The following PXDC1 variants were observed in gnomAD, a reference collection of about 807,000 sequenced individuals.
PXDC1 encodes PX domain-containing protein 1.
In PXDC1, 13 loss-of-function variants were observed where a neutral mutation model predicts 24.4. The observed-to-expected ratio is 0.53, with a 90% CI of 0.35 to 0.85. PXDC1 has a LOEUF of 0.85. Ranked by LOEUF, PXDC1 falls within the 40% of genes least tolerant of loss-of-function variation. The pLI is 0.01. For synonymous variants in PXDC1, 162 were observed against 124.9 expected (o/e 1.30, Z -1.98); for missense variants, 344 against 309.3 (o/e 1.11, Z -0.84).
chr6:3,725,576 C>T lies in PXDC1; in HGVS notation c.579-1840G>A, dbSNP rs947232102. On this transcript the variant is annotated intron_variant, in intron 4 of 4. Coordinates refer to ENST00000380283, the MANE Select transcript of PXDC1 (RefSeq NM_183373.4). The surrounding 1 kb of genome is among the most constrained non-coding windows in gnomAD (Gnocchi z 4.8). ...TGCTGTGGGGGCCCTGCTGTGGGCC[C>T]GGCGGCACTGGGCTCACAGGCTCGG... 3.3e-5 allele frequency among the ~76,000 whole-genome samples: 5 copies of T among 152,202 alleles called. No individual in the cohort carries two copies. Among genetic ancestry groups the T allele is most frequent in the East Asian group, 1.9e-4 (1 of 5,190 alleles).
At chr6:3,727,951 G>A (rs1760107436) in intron 3 of PXDC1, among the ~76,000 whole-genome samples, 1 of 152,132 alleles carries the variant, frequency 6.6e-6, no homozygotes, top group South Asian at 2.1e-4. Flanking sequence ...TGGGCTTCAA[G>A]CTGGAGTACA....
At chr6:3,744,195 A>C (rs1483610870) in intron 1 of PXDC1, among the ~76,000 whole-genome samples, 2 of 152,188 alleles carry the variant, frequency 1.3e-5, no homozygotes, top group African/African-American at 4.8e-5. Context: ...CCATCCACTT[A>C]GCCAGTCCGT....
At chr6:3,730,037 C>T (rs1760159941) in intron 3 of PXDC1, among the ~76,000 whole-genome samples, 1 of 152,238 alleles carries the variant, frequency 6.6e-6, no homozygotes, top group South Asian at 2.1e-4. Context: ...CAAGGAGCCT[C>T]ATGCACATAC....
chr6:3,737,624 G>C lies in PXDC1; in HGVS notation c.349-428C>G, dbSNP rs1235950818. On this transcript the variant is annotated intron_variant, in intron 2 of 4. Coordinates refer to ENST00000380283, the MANE Select transcript of PXDC1 (RefSeq NM_183373.4). The surrounding 1 kb of genome is among the most constrained non-coding windows in gnomAD (Gnocchi z 5.5). ...CGAAGCCCGCAGGCTTACATGGAAA[G>C]GGAGTTGACGGTCAAATCCGGGCAA... 2.0e-6 allele frequency: 2 copies of C among 984,114 alleles called. No homozygotes were observed. 61.0% of individuals were successfully genotyped at this position (984,114 alleles called of 1,614,324 possible).
intron 3 of PXDC1, among the ~76,000 whole-genome samples, chr6:3,735,671 G>A (rs1318336093): frequency 1.3e-5 from 2 of 152,296 alleles, no homozygotes; most frequent in Non-Finnish European, 2.9e-5. Context: ...GGAGGAATAA[G>A]CTCTGCTGTA....
At chr6:3,735,910 A>G (rs1340879460) in intron 3 of PXDC1, among the ~76,000 whole-genome samples, 1 of 152,234 alleles carries the variant, frequency 6.6e-6, no homozygotes, top group Non-Finnish European at 1.5e-5. Context: ...AACAAACAAA[A>G]AAGTAAAAAA....
chr6:3,724,865 G>A lies in PXDC1; in HGVS notation c.579-1129C>T, dbSNP rs1473818669. ...CCCGCTGACCTCAAGGGACAGGGCT[G>A]TGAAGACAGCTTTAAGGCATTTGGA... On this transcript the variant is annotated intron_variant, in intron 4 of 4. Transcript: ENST00000380283. This position sits in a 1 kb window ranked among gnomAD's most constrained non-coding sequence, Gnocchi z 4.5. Among the ~76,000 whole-genome samples, 1 of 152,230 alleles carries A rather than the reference G, an allele frequency of 6.6e-6. No homozygotes were observed. Among genetic ancestry groups the A allele is most frequent in the African/African-American group, 2.4e-5 (1 of 41,456 alleles).
In PXDC1 at chr6:3,724,920, C is replaced by T. The variant is rs1201778056; in HGVS notation, c.579-1184G>A. On this transcript the variant is annotated intron_variant, in intron 4 of 4. Transcript: ENST00000380283. This position sits in a 1 kb window ranked among gnomAD's most constrained non-coding sequence, Gnocchi z 4.5. ...AAAGGCTGAGGCTGCAGAGGAAGGCCTCCCCTCTGACTCCATGGCCAGGCC... is the reference window on the plus strand; with the variant it reads ...AAAGGCTGAGGCTGCAGAGGAAGGCTTCCCCTCTGACTCCATGGCCAGGCC... Among the ~76,000 whole-genome samples the T allele has an allele frequency of 6.6e-6, 1 of 152,092 alleles. No homozygotes were observed. Among genetic ancestry groups the T allele is most frequent in the African/African-American group, 2.4e-5 (1 of 41,436 alleles).
At position 3,723,310 on chromosome 6, in the gene PXDC1, AG is replaced by A; in HGVS notation, c.*308del. Reference sequence around the variant, plus strand: ...CAGTAGCAGTGAGAGCGAGCCCCACAGGAACTGTCCCTGCCCTGGCAGTGCG... The same window carrying A: ...CAGTAGCAGTGAGAGCGAGCCCCACAGAACTGTCCCTGCCCTGGCAGTGCG... On this transcript the variant is annotated 3_prime_UTR_variant, in exon 5 of 5. Coordinates refer to ENST00000380283, the MANE Select transcript of PXDC1 (RefSeq NM_183373.4). The A allele has an allele frequency of 2.8e-6, 1 of 354,924 alleles. No individual in the cohort carries two copies. Among genetic ancestry groups the A allele is most frequent in the East Asian group, 4.5e-5 (1 of 22,456 alleles). 22.0% of individuals were successfully genotyped at this position (354,924 alleles called of 1,614,324 possible).
intron 1 of PXDC1, among the ~76,000 whole-genome samples, chr6:3,744,104 C>G (rs1253463986): frequency 6.6e-6 from 1 of 152,188 alleles, no homozygotes; most frequent in Non-Finnish European, 1.5e-5. Context: ...CGTAATCCTG[C>G]CTTCTCTAGG....
chr6:3,726,323 C>A (rs60718280), intron 4 of PXDC1, among the ~76,000 whole-genome samples: 3,246 of 152,306 alleles, frequency 0.021, 112 homozygotes, highest in African/African-American at 0.074. Flanking sequence ...ATGGGGGACC[C>A]ATAGGTAATG....
At chr6:3,741,114 C>G (rs1035043793) in intron 1 of PXDC1, among the ~76,000 whole-genome samples, 12 of 152,204 alleles carry the variant, frequency 7.9e-5, no homozygotes, top group African/African-American at 2.9e-4. Context: ...TCGTCATCAC[C>G]TCAGCCTGAC....
In PXDC1 at chr6:3,727,577, C is replaced by G. The variant is rs226959; in HGVS notation, c.552G>C (p.Gln184His). ...DHSIPNGRDQ[Q>H]LGVDPTEHLF... ...AATGCTCTGTTGGGTCCACGCCCAG[C>G]TGCTGGTCTCTTCCATTTGGTATAC... The change falls in exon 4 of 5, where the codon CAG (glutamine) becomes CAC (histidine). Residue 184 changes from glutamine (Q) to histidine (H), a missense_variant. By Grantham distance (24) the Gln-to-His change is conservative. Coordinates refer to ENST00000380283, the MANE Select transcript of PXDC1 (RefSeq NM_183373.4). 0.66 allele frequency: 1,062,418 copies of G among 1,608,920 alleles called. 351,580 individuals are homozygous for G. The highest frequency in any genetic ancestry group is 0.68 in the South Asian group (61,598 of 90,920).
chr6:3,751,205 C>G (rs1760708296), intron 1 of PXDC1, 71 bp downstream of exon 1: 11 of 1,207,662 alleles, frequency 9.1e-6, no homozygotes, highest in Non-Finnish European at 1.2e-5. Flanking sequence ...GTTGAAGTCT[C>G]TTCCCCGCCT....
At position 3,724,313 on chromosome 6, in the gene PXDC1, C is replaced by T. The variant is rs749027196; in HGVS notation, c.579-577G>A. On this transcript the variant is annotated intron_variant, in intron 4 of 4. Transcript: ENST00000380283. This position sits in a 1 kb window ranked among gnomAD's most constrained non-coding sequence, Gnocchi z 4.5. Reference sequence around the variant, plus strand: ...CGCGCTCTGGCAGATGAGAAGCATCCGAACATGGGGGACTTACATGGGGTG... The same window carrying T: ...CGCGCTCTGGCAGATGAGAAGCATCTGAACATGGGGGACTTACATGGGGTG... Among the ~76,000 whole-genome samples, 5 of 151,944 alleles carry T rather than the reference C, an allele frequency of 3.3e-5. No homozygotes were observed. Among genetic ancestry groups the T allele is most frequent in the Non-Finnish European group, 7.4e-5 (5 of 67,980 alleles).
chr6:3,734,135 G>A (rs897565875), intron 3 of PXDC1, among the ~76,000 whole-genome samples: 1 of 152,230 alleles, frequency 6.6e-6, no homozygotes, highest in Non-Finnish European at 1.5e-5. Flanking sequence ...ATGGCAACAT[G>A]AGACTCTACG....
Position 3,747,378 on chromosome 6 carries a change from G to A in PXDC1, c.256+3898C>T, listed in dbSNP as rs559229267. ...GCCTCCCCTGCTCTTTCCCAGCACA[G>A]CAGCCCGAGTTTGAGTCAGGCCAAA... On this transcript the variant is annotated intron_variant, in intron 1 of 4. Transcript: ENST00000380283. Among the ~76,000 whole-genome samples the A allele has an allele frequency of 6.6e-5, 10 of 152,124 alleles. No homozygotes were observed. The South Asian group carries it at 1.9e-3, about 28-fold the overall frequency.
chr6:3,723,853 C>G (rs763485335), intron 4 of PXDC1, 117 bp from the exon 5 acceptor site: 1 of 760,198 alleles, frequency 1.3e-6, no homozygotes. Context: ...AAAAAAACCA[C>G]GGCTACAAAT....
At chr6:3,732,349 T>G (rs187039883) in intron 3 of PXDC1, among the ~76,000 whole-genome samples, 4 of 152,352 alleles carry the variant, frequency 2.6e-5, no homozygotes, top group Admixed American at 2.6e-4. Flanking sequence ...TGCCCTTGTA[T>G]TAACTGGCTA....
Sources: gnomAD v4.1 joint callset for allele counts (sites outside exome capture counted in the v4.1 genomes callset) on GRCh38, gnomAD v4.1.1 for gene constraint, Gnocchi (gnomAD v3.1) non-coding constraint, MANE v1.5 for transcripts, NCBI Gene and HGNC (gene_info 2026-07-23, HGNC 2026-07-21) for gene names.